SCFD2: variants seen among roughly 807,000 people sequenced by gnomAD.
The protein encoded by SCFD2 is sec1 family domain-containing protein 2.
In SCFD2, 54 loss-of-function variants were observed where a neutral mutation model predicts 58.9. The observed-to-expected ratio is 0.92, with a 90% CI of 0.74 to 1.15. The LOEUF (loss-of-function observed/expected upper bound fraction) is 1.15. Ranked by LOEUF, SCFD2 falls within the 50% of genes most tolerant of loss-of-function variation. The pLI is 0.00. For missense variants in SCFD2, 805 were observed against 836.6 expected, an observed-to-expected ratio of 0.96 and a Z score of 0.47; for synonymous variants, 321 against 335.9, an observed-to-expected ratio of 0.96 and a Z score of 0.49.
chr4:53,115,173 C>G (rs752856388), intron 5 of SCFD2, among the ~76,000 whole-genome samples: 41 of 151,986 alleles, frequency 2.7e-4, no homozygotes, highest in Non-Finnish European at 4.4e-4. Context: ...TCTACACACA[C>G]AAAAGACAGA....
chr4:53,217,104 G>A (rs955127695), intron 4 of SCFD2, among the ~76,000 whole-genome samples: 29 of 152,204 alleles, frequency 1.9e-4, no homozygotes, highest in Non-Finnish European at 1.0e-4. Context: ...ATGTGGTGCT[G>A]AGAAGAATGT....
intron 3 of SCFD2, among the ~76,000 whole-genome samples, chr4:53,301,903 C>T (rs370551388): frequency 6.6e-6 from 1 of 152,016 alleles, no homozygotes; most frequent in East Asian, 1.9e-4. Context: ...ATTCAACAAC[C>T]CTCCATGCTA....
At chr4:53,150,259 G>A (rs1277802230) in intron 4 of SCFD2, among the ~76,000 whole-genome samples, 1 of 152,122 alleles carries the variant, frequency 6.6e-6, no homozygotes, top group African/African-American at 2.4e-5. Flanking sequence ...TAAAGACTTC[G>A]TGGTCAGGAA....
Position 53,109,923 on chromosome 4 carries a change from C to G in SCFD2, c.1561+35410G>C, listed in dbSNP as rs559850704. Among the ~76,000 whole-genome samples, 67 of 151,028 alleles carry G rather than the reference C, an allele frequency of 4.4e-4. 1 individual carries two copies. The highest frequency in any genetic ancestry group is 3.9e-4 in the East Asian group (2 of 5,148). On this transcript the variant is annotated intron_variant, in intron 5 of 8. Transcript: ENST00000401642. ...CTGTATAGCCAAGACAATCCTAAGC[C>G]AAAAAAAATAAATAAATAAATCTGG...
intron 4 of SCFD2, among the ~76,000 whole-genome samples, chr4:53,242,722 C>T (rs1729938652): frequency 6.6e-6 from 1 of 152,092 alleles, no homozygotes; most frequent in Non-Finnish European, 1.5e-5. Context: ...TCTAAGGAAG[C>T]TTAGAATCAC....
chr4:53,087,130 C>A (rs915444798), intron 5 of SCFD2, among the ~76,000 whole-genome samples: 2 of 151,982 alleles, frequency 1.3e-5, no homozygotes, highest in African/African-American at 4.8e-5. Flanking sequence ...ATCTCATGTA[C>A]CCCATAAACA....
chr4:53,244,027 A>G (rs182974426), intron 4 of SCFD2, among the ~76,000 whole-genome samples: 7 of 152,314 alleles, frequency 4.6e-5, no homozygotes, highest in African/African-American at 1.4e-4. Flanking sequence ...GGTTCAACTC[A>G]ACAAGAAAAT....
intron 5 of SCFD2, among the ~76,000 whole-genome samples, chr4:52,990,917 G>C (rs1399982010): frequency 6.6e-6 from 1 of 152,210 alleles, no homozygotes; most frequent in East Asian, 1.9e-4. Context: ...GGTGGTGGTG[G>C]AGAATGTGGG....
chr4:52,918,148 T>C (rs916517773), intron 6 of SCFD2, among the ~76,000 whole-genome samples: 11 of 105,014 alleles, frequency 1.0e-4, no homozygotes, highest in African/African-American at 3.1e-4. Context: ...AAAGCATAGA[T>C]TTCTTCTGGA....
At chr4:53,219,024 C>T (rs1340805590) in intron 4 of SCFD2, among the ~76,000 whole-genome samples, 3 of 152,268 alleles carry the variant, frequency 2.0e-5, no homozygotes, top group Non-Finnish European at 4.4e-5. Flanking sequence ...GGTACCCGGC[C>T]GTGTGAGGTG....
intron 4 of SCFD2, among the ~76,000 whole-genome samples, chr4:53,161,750 T>C (rs1448644030): frequency 6.6e-6 from 1 of 152,222 alleles, no homozygotes; most frequent in African/African-American, 2.4e-5. Context: ...TTGAGAACTA[T>C]GCATCCAACA....
chr4:53,004,003 G>A (rs1294476218), intron 5 of SCFD2, among the ~76,000 whole-genome samples: 1 of 152,226 alleles, frequency 6.6e-6, no homozygotes, highest in Non-Finnish European at 1.5e-5. Flanking sequence ...ATAAATGTCT[G>A]AAATAGTCCT....
chr4:52,930,189 G>GAAATA (rs1238130257), intron 5 of SCFD2, among the ~76,000 whole-genome samples: 2 of 152,206 alleles, frequency 1.3e-5, no homozygotes, highest in Non-Finnish European at 2.9e-5. Flanking sequence ...AGAGATCTCA[G>GAAATA]AAATAAGACC....
intron 4 of SCFD2, among the ~76,000 whole-genome samples, chr4:53,174,656 C>A (rs1339525614): frequency 1.3e-5 from 2 of 152,134 alleles, no homozygotes; most frequent in Non-Finnish European, 2.9e-5. Flanking sequence ...TTAAATTGGG[C>A]ACAGGGAAGA....
At position 53,365,409 on chromosome 4, in the gene SCFD2, G is replaced by T. The variant is rs746149646; in HGVS notation, c.533C>A (p.Pro178Gln). The stretch of plus-strand genomic sequence containing the variant: ...GAGGTGCACATCCTGGGGTAGCAGT[G>T]GGAAAAGGGATGCAAAAGCTGGAGT... ...ALTPAFASLF[P>Q]LLPQDVHLLN... The change falls in exon 1 of 9, where the codon CCA (proline) becomes CAA (glutamine). Residue 178 changes from proline (P) to glutamine (Q), a missense_variant. Around this residue, in one of 3 missense-constraint regions of SCFD2, gnomAD observed 633 missense variants for 646.8 expected, o/e 0.98. Coordinates refer to ENST00000401642, the MANE Select transcript of SCFD2 (RefSeq NM_152540.4). This position sits in a 1 kb window ranked among gnomAD's most constrained non-coding sequence, Gnocchi z 4.3. 1 of 1,614,182 alleles carries T rather than the reference G, an allele frequency of 6.2e-7. No homozygotes were observed. Among genetic ancestry groups the T allele is most frequent in the Non-Finnish European group, 8.5e-7 (1 of 1,180,030 alleles).
rs112754253 is a variant in SCFD2 at position 53,143,077 on chromosome 4, G to A, written c.1561+2256C>T. 5.9e-3 allele frequency among the ~76,000 whole-genome samples: 895 copies of A among 152,238 alleles called. 4 individuals carry two copies. The highest frequency in any genetic ancestry group is 9.3e-3 in the Non-Finnish European group (633 of 68,008). On this transcript the variant is annotated intron_variant, in intron 5 of 8. Coordinates refer to ENST00000401642, the MANE Select transcript of SCFD2 (RefSeq NM_152540.4). ...CTAATATTAGTACAAATGCACAGAAGTATTTTAAAAGCAAGAACATGCAAT... is the reference window on the plus strand; with the variant it reads ...CTAATATTAGTACAAATGCACAGAAATATTTTAAAAGCAAGAACATGCAAT...
chr4:53,117,778 G>C (rs947508938), intron 5 of SCFD2, among the ~76,000 whole-genome samples: 3 of 152,078 alleles, frequency 2.0e-5, no homozygotes, highest in African/African-American at 7.2e-5. Flanking sequence ...AACATGTCTT[G>C]ATATACCAAA....
In SCFD2 at chr4:53,268,860, G is replaced by A. The variant is rs114597590; in HGVS notation, c.1311+4966C>T. Among the ~76,000 whole-genome samples, 922 of 152,306 alleles carry A rather than the reference G, an allele frequency of 6.1e-3. 10 individuals carry two copies. The highest frequency in any genetic ancestry group is 0.02 in the African/African-American group (826 of 41,556). ...CCAGGTGAGGTGAGGAGGCATCCAC[G>A]CCACAGGGAAGCAACTCTATTGGAA... On this transcript the variant is annotated intron_variant, in intron 4 of 8. Coordinates refer to ENST00000401642, the MANE Select transcript of SCFD2 (RefSeq NM_152540.4).
chr4:53,334,418 G>C lies in SCFD2; in HGVS notation c.1007+18180C>G, dbSNP rs553235642. ...CATATACACCATGGAATACTATGTA[G>C]CCATAAAAAATGATGAGTTCATGTC... is the stretch of plus-strand genomic sequence containing the variant. On this transcript the variant is annotated intron_variant, in intron 2 of 8. Coordinates refer to ENST00000401642, the MANE Select transcript of SCFD2 (RefSeq NM_152540.4). 8.5e-3 allele frequency among the ~76,000 whole-genome samples: 1,287 copies of C among 151,766 alleles called. 11 individuals are homozygous for C. The highest frequency in any genetic ancestry group is 0.03 in the African/African-American group (1,225 of 41,378).
Sources: gnomAD v4.1 joint callset for allele counts (sites outside exome capture counted in the v4.1 genomes callset) on GRCh38, gnomAD v4.1.1 for gene constraint, gnomAD v4.1.1 regional missense constraint, Gnocchi (gnomAD v3.1) non-coding constraint, MANE v1.5 for transcripts, NCBI Gene and HGNC (gene_info 2026-07-23, HGNC 2026-07-21) for gene names.